Variants in FBXO17 observed in about 807,000 individuals in gnomAD.
FBXO17 encodes the protein F-box only protein 17.
Under a neutral mutation model 34.1 loss-of-function variants are expected in FBXO17, and 43 were observed. That is an observed-to-expected ratio of 1.26 (90% CI 0.99 to 1.62). FBXO17 has a LOEUF of 1.62. FBXO17 is among the 40% of genes most tolerant of loss of function. The pLI is 0.00. For synonymous variants in FBXO17, 169 were observed against 166.0 expected (o/e 1.02, Z -0.14); for missense variants, 424 against 386.7 (o/e 1.10, Z -0.81).
intron 1 of FBXO17, among the ~76,000 whole-genome samples, chr19:38,971,836 T>C (rs571894991): frequency 4.2e-4 from 63 of 151,716 alleles, no homozygotes; most frequent in Non-Finnish European, 4.7e-4. Flanking sequence ...GCAGCAGTTA[T>C]GTTGACAGTG....
chr19:38,950,095 G>T lies in FBXO17; in HGVS notation c.225C>A (p.Tyr75Ter). Residue 75 changes from tyrosine to a stop codon, truncating the protein, a stop_gained, in exon 2 of 6, where the codon TAC becomes TAA. Transcript: ENST00000292852. LOFTEE classifies it high-confidence loss of function. The stretch of plus-strand genomic sequence containing the variant: ...TGGGCAGGCAGCGTTGAGCCACTGC[G>T]TAGAGTGCGCGGCCCTCGGCGCTGC... ...RDRSAEGRAL[Y>*]AVAQRCLPSN... The T allele has an allele frequency of 6.4e-7, 1 of 1,565,518 alleles. No homozygotes were observed. Among genetic ancestry groups the T allele is most frequent in the Admixed American group, 1.9e-5 (1 of 53,542 alleles).
rs75638937 is a variant in FBXO17, at chr19:38,975,101, A to C, written c.-18+485T>G. On this transcript the variant is annotated intron_variant, in intron 1 of 5. Transcript: ENST00000292852. This position sits in a 1 kb window ranked among gnomAD's most constrained non-coding sequence, Gnocchi z 4.9. The stretch of plus-strand genomic sequence containing the variant: ...AAATTGAGGGTTGGGGCCGCAGCGA[A>C]ACACATAATGTGCCCAAGTTGCTAA... 2.2e-4 allele frequency among the ~76,000 whole-genome samples: 33 copies of C among 152,302 alleles called. No homozygotes were observed. Among genetic ancestry groups the C allele is most frequent in the East Asian group, 1.7e-3 (9 of 5,188 alleles).
intron 1 of FBXO17, among the ~76,000 whole-genome samples, chr19:38,964,691 C>T (rs1401799229): frequency 6.6e-6 from 1 of 151,896 alleles, no homozygotes; most frequent in Non-Finnish European, 1.5e-5. Context: ...TGCTTGAGCT[C>T]AGGAGGTGGA....
At chr19:38,961,893 G>A (rs1228346349) in intron 1 of FBXO17, among the ~76,000 whole-genome samples, 1 of 150,856 alleles carries the variant, frequency 6.6e-6, no homozygotes, top group Non-Finnish European at 1.5e-5. Context: ...GAACTCCTGA[G>A]CTCAAGTGAT....
chr19:38,946,656 G>C (rs1020021981), intron 3 of FBXO17, 89 bp from the exon 4 acceptor site: 2 of 1,549,068 alleles, frequency 1.3e-6, no homozygotes, highest in Admixed American at 1.9e-5. Context: ...AGTCTCCCTT[G>C]ATAACCCTCT....
intron 1 of FBXO17, among the ~76,000 whole-genome samples, chr19:38,966,590 CAAG>C (rs1975325087): frequency 6.6e-6 from 1 of 151,890 alleles, no homozygotes; most frequent in Admixed American, 6.6e-5. Context: ...AGAATGTCTA[CAAG>C]AAGAAAAAGA....
intron 1 of FBXO17, among the ~76,000 whole-genome samples, chr19:38,953,115 A>G (rs971445635): frequency 5.9e-5 from 9 of 152,032 alleles, no homozygotes; most frequent in Admixed American, 5.2e-4. Context: ...CAGCCTGGGC[A>G]ACACAGCGAT....
rs1258179052 is a variant in FBXO17 at position 38,975,208 on chromosome 19, G to T, written c.-18+378C>A. 6.6e-6 allele frequency among the ~76,000 whole-genome samples: 1 copy of T among 152,144 alleles called. No homozygotes were observed. Among genetic ancestry groups the T allele is most frequent in the African/African-American group, 2.4e-5 (1 of 41,430 alleles). Reference sequence around the variant, plus strand: ...GCCAGAAGACAGAAAATCCAGCAACGGTAAAAAGCGGCCTGGCCTTCCCCG... The same window carrying T: ...GCCAGAAGACAGAAAATCCAGCAACTGTAAAAAGCGGCCTGGCCTTCCCCG... On this transcript the variant is annotated intron_variant, in intron 1 of 5. Transcript: ENST00000292852. This position sits in a 1 kb window ranked among gnomAD's most constrained non-coding sequence, Gnocchi z 4.9.
chr19:38,948,557 G>A lies in FBXO17; in HGVS notation c.461+10C>T, dbSNP rs768944306. 3.7e-6 allele frequency: 6 copies of A among 1,611,090 alleles called. No homozygotes were observed. The highest frequency in any genetic ancestry group is 5.1e-6 in the Non-Finnish European group (6 of 1,177,902). Reference sequence around the variant, plus strand: ...CCCAGGGATCGGGGCCTCTCACTTGGGCCACTCACTCGAAAGAGGTCACGA... The same window carrying A: ...CCCAGGGATCGGGGCCTCTCACTTGAGCCACTCACTCGAAAGAGGTCACGA... On this transcript the variant is annotated intron_variant, in intron 3 of 5. Transcript: ENST00000292852.
At chr19:38,955,357 C>G (rs894879303) in intron 1 of FBXO17, among the ~76,000 whole-genome samples, 16 of 152,088 alleles carry the variant, frequency 1.1e-4, no homozygotes, top group African/African-American at 3.9e-4. Flanking sequence ...GCCTCCCAAA[C>G]TGCTGGGATT....
At chr19:38,968,805 T>C (rs1013519146) in intron 1 of FBXO17, among the ~76,000 whole-genome samples, 1 of 152,160 alleles carries the variant, frequency 6.6e-6, no homozygotes. Flanking sequence ...AAAGGACACA[T>C]ATTATATGAT....
intron 1 of FBXO17, among the ~76,000 whole-genome samples, chr19:38,969,109 T>C (rs1217421710): frequency 6.6e-6 from 1 of 152,120 alleles, no homozygotes; most frequent in Non-Finnish European, 1.5e-5. Flanking sequence ...AGGGCTTAAA[T>C]ATGGAAACAG....
At chr19:38,962,066 C>A (rs897003809) in intron 1 of FBXO17, among the ~76,000 whole-genome samples, 1 of 136,668 alleles carries the variant, frequency 7.3e-6, no homozygotes, top group South Asian at 2.3e-4. Context: ...TTCTAAGCTG[C>A]GAAACTGGAG....
In FBXO17 at chr19:38,975,490, G is replaced by GGCGCGGGAATCCT. The variant is rs1975449344; in HGVS notation, c.-18+83_-18+95dup. The GGCGCGGGAATCCT allele has an allele frequency of 6.6e-6, 1 of 152,278 alleles. No individual in the cohort carries two copies. The highest frequency in any genetic ancestry group is 1.5e-5 in the Non-Finnish European group (1 of 68,084). The allele number at this position is 152,278 out of a possible 1,614,324, so 9.4% of individuals were successfully genotyped here. On this transcript the variant is annotated intron_variant, in intron 1 of 5. Transcript: ENST00000292852. The surrounding 1 kb of genome is among the most constrained non-coding windows in gnomAD (Gnocchi z 4.9). ...GGACCCGCCCCTCCGGGCAGGGCCT[G>GGCGCGGGAATCCT]GCGCGGGAATCCTTCCCGGGGCGCC...
chr19:38,948,789 T>C, intron 2 of FBXO17, 111 bp from the exon 3 acceptor site: 1 of 841,474 alleles, frequency 1.2e-6, no homozygotes, highest in Non-Finnish European at 1.9e-6. Context: ...TGTGCTCCAA[T>C]CCTCCCTGGT....
chr19:38,953,970 G>A (rs151053998), intron 1 of FBXO17, among the ~76,000 whole-genome samples: 2 of 152,052 alleles, frequency 1.3e-5, no homozygotes, highest in Non-Finnish European at 2.9e-5. Context: ...GAGTGAAAGG[G>A]GGGGAGGAGG....
At chr19:38,944,865 A>T in intron 5 of FBXO17, 104 bp downstream of exon 5, 9 of 1,497,226 alleles carry the variant, frequency 6.0e-6, no homozygotes, top group South Asian at 1.3e-5. Flanking sequence ...AGCTGTTATG[A>T]TTATAGATAT....
intron 1 of FBXO17, among the ~76,000 whole-genome samples, chr19:38,957,492 C>T (rs1327831865): frequency 5.9e-5 from 9 of 152,142 alleles, no homozygotes; most frequent in Admixed American, 5.9e-4. Flanking sequence ...ATTACAGGCA[C>T]CTGCCACCAC....
chr19:38,946,285 G>T, intron 4 of FBXO17, 187 bp downstream of exon 4: 1 of 1,014,112 alleles, frequency 9.9e-7, no homozygotes, highest in Non-Finnish European at 1.4e-6. Context: ...GTGCAGAGTG[G>T]GGGCTCTGGC....
Sources: gnomAD v4.1 joint callset for allele counts (sites outside exome capture counted in the v4.1 genomes callset) on GRCh38, gnomAD v4.1.1 for gene constraint, Gnocchi (gnomAD v3.1) non-coding constraint, MANE v1.5 for transcripts, NCBI Gene and HGNC (gene_info 2026-07-23, HGNC 2026-07-21) for gene names.